The following KLHL12 variants were observed in gnomAD, a reference collection of about 807,000 sequenced individuals.
KLHL12 encodes kelch-like protein 12.
KLHL12 carries 17 observed loss-of-function variants against 60.8 expected under a neutral mutation model. That is an observed-to-expected ratio of 0.28 (90% confidence interval 0.19 to 0.42). The LOEUF (loss-of-function observed/expected upper bound fraction) is 0.42, where lower values mean the gene tolerates loss of function less well. Among genes scored for constraint, KLHL12 ranks in the 10% least tolerant of loss-of-function variants. The probability of loss-of-function intolerance (pLI) is 1.00; values close to 1 mark genes in which losing one functional copy is unlikely to be tolerated. For synonymous variants in KLHL12, 220 were observed against 250.9 expected (o/e 0.88, Z 1.16); for missense variants, 468 against 722.3 (o/e 0.65, Z 4.04).
At chr1:202,914,485 C>T (rs956223881) in intron 4 of KLHL12, among the ~76,000 whole-genome samples, 4 of 152,168 alleles carry the variant, frequency 2.6e-5, no homozygotes, top group Non-Finnish European at 4.4e-5. Flanking sequence ...ATGATAGACT[C>T]TGACACATTC....
rs138894209 is a variant in KLHL12 at position 202,909,768 on chromosome 1, A to C, written c.718-644T>G. Among the ~76,000 whole-genome samples, 3 of 152,304 alleles carry C rather than the reference A, an allele frequency of 2.0e-5. No homozygotes were observed. Among genetic ancestry groups the C allele is most frequent in the Admixed American group, 1.3e-4 (2 of 15,294 alleles). The stretch of plus-strand genomic sequence containing the variant: ...CAAAGGTCAAGGTTTCTCTCAAGGC[A>C]GTGACTCTACACGATTCTCTTTCCT... On this transcript the variant is annotated intron_variant, in intron 5 of 11. Coordinates refer to ENST00000367261, the MANE Select transcript of KLHL12 (RefSeq NM_021633.4). This position sits in a 1 kb window ranked among gnomAD's most constrained non-coding sequence, Gnocchi z 4.1.
rs199923464 is a variant in KLHL12 at position 202,911,083 on chromosome 1, T to C, written c.688A>G (p.Arg230Gly). The C allele has an allele frequency of 1.3e-4, 209 of 1,613,978 alleles. No homozygotes were observed. The highest frequency in any genetic ancestry group is 1.7e-4 in the Non-Finnish European group (199 of 1,180,000). ...GCATCTATTACATCTGTGATATACC[T>C]GGGGGTTAGTAGGGGCATCCGCACA... is the stretch of plus-strand genomic sequence containing the variant. ...QYVRMPLLTP[R>G]YITDVIDAEP... Residue 230 changes from arginine (R) to glycine (G), a missense_variant, in exon 5 of 12, where the codon AGG becomes GGG. Coordinates refer to ENST00000367261, the MANE Select transcript of KLHL12 (RefSeq NM_021633.4).
chr1:202,905,283 G>A (rs1660148042), intron 6 of KLHL12, among the ~76,000 whole-genome samples: 1 of 152,106 alleles, frequency 6.6e-6, no homozygotes, highest in South Asian at 2.1e-4. Context: ...GAATCTTCTG[G>A]GTTTACTGAT....
chr1:202,927,396 G>A, upstream of KLHL12: 1 of 455,170 alleles, frequency 2.2e-6, no homozygotes. Flanking sequence ...CAAAAAGGTC[G>A]GGTGGGCAGG....
At chr1:202,919,227 A>G (rs1660612482) in intron 3 of KLHL12, among the ~76,000 whole-genome samples, 1 of 152,180 alleles carries the variant, frequency 6.6e-6, no homozygotes, top group Non-Finnish European at 1.5e-5. Context: ...CTGTGCTCTA[A>G]TCTGGGTGAC....
Position 202,892,685 on chromosome 1 carries a change from G to A in KLHL12, c.1581-26C>T, listed in dbSNP as rs114910242. 1,056 of 1,610,932 alleles carry A rather than the reference G, an allele frequency of 6.6e-4. 6 individuals are homozygous for A. In the African/African-American group the frequency reaches 0.012, roughly 19 times the overall value. On this transcript the variant is annotated intron_variant, in intron 11 of 11. Transcript: ENST00000367261. ...CTGAGTGGGAAAGAAGCAAAAGAAA[G>A]AAATGAGTCAGCTGCGTGCAGTGGC...
intron 6 of KLHL12, among the ~76,000 whole-genome samples, chr1:202,906,446 G>A (rs1202995124): frequency 1.4e-3 from 162 of 111,798 alleles, no homozygotes; most frequent in African/African-American, 5.4e-3. Flanking sequence ...CAAGAGCAAC[G>A]CTTCGTCTCA....
At position 202,902,464 on chromosome 1, in the gene KLHL12, A is replaced by G. The variant is rs530935328; in HGVS notation, c.833-5504T>C. On this transcript the variant is annotated intron_variant, in intron 6 of 11. Coordinates refer to ENST00000367261, the MANE Select transcript of KLHL12 (RefSeq NM_021633.4). ...ACACCAAAAACAAACAAACAAAAAA[A>G]CCTACAAATGTGACCATATTATATT... 1.4e-3 allele frequency among the ~76,000 whole-genome samples: 206 copies of G among 151,994 alleles called. 2 individuals are homozygous for G. Among genetic ancestry groups the G allele is most frequent in the Non-Finnish European group, 1.8e-3 (121 of 67,954 alleles).
At chr1:202,896,803 G>T in intron 7 of KLHL12, 51 bp downstream of exon 7, 2 of 1,335,540 alleles carry the variant, frequency 1.5e-6, no homozygotes, top group Non-Finnish European at 2.2e-6. Flanking sequence ...TGGAGGCAGA[G>T]ACTGAGGACA....
At chr1:202,918,605 C>T (rs1445356205) in intron 3 of KLHL12, among the ~76,000 whole-genome samples, 1 of 152,172 alleles carries the variant, frequency 6.6e-6, no homozygotes, top group African/African-American at 2.4e-5. Flanking sequence ...CCTGTCTCTG[C>T]TTAATCTTTA....
rs1659672492 is a variant in KLHL12 at position 202,891,438 on chromosome 1, A to T, written c.*1095T>A. The T allele has an allele frequency of 6.6e-6, 1 of 152,664 alleles. No individual in the cohort carries two copies. Among genetic ancestry groups the T allele is most frequent in the Admixed American group, 6.5e-5 (1 of 15,290 alleles). 9.5% of individuals were successfully genotyped at this position (152,664 alleles called of 1,614,324 possible). A position where few individuals can be genotyped will look rare whatever the true frequency, so the allele number is the denominator to read the frequency against. ...AGGTAAGGAAAACTTATAGCAGAAA[A>T]AAGACTAGATGTACCAAACACAGCA... On this transcript the variant is annotated 3_prime_UTR_variant, in exon 12 of 12. Coordinates refer to ENST00000367261, the MANE Select transcript of KLHL12 (RefSeq NM_021633.4).
chr1:202,914,410 TAGA>T (rs1660457476), intron 4 of KLHL12, among the ~76,000 whole-genome samples: 1 of 152,194 alleles, frequency 6.6e-6, no homozygotes, highest in Non-Finnish European at 1.5e-5. Flanking sequence ...GGGGAGGGTA[TAGA>T]AGATGTCCTT....
upstream of KLHL12, chr1:202,927,372 A>T: frequency 1.5e-6 from 1 of 681,046 alleles, no homozygotes; most frequent in Non-Finnish European, 1.8e-6. Context: ...GTACGCTGCT[A>T]GGAAGCCGAA....
chr1:202,908,396 T>G (rs1660259811), intron 6 of KLHL12, among the ~76,000 whole-genome samples: 1 of 152,174 alleles, frequency 6.6e-6, no homozygotes. Context: ...TTTTAAGGCT[T>G]TACATAAATA....
chr1:202,922,864 A>G (rs77218625), intron 2 of KLHL12, among the ~76,000 whole-genome samples: 5 of 151,624 alleles, frequency 3.3e-5, no homozygotes, highest in African/African-American at 4.8e-5. Context: ...GGAAAAAAAA[A>G]AGAGAGAGAG....
At position 202,909,419 on chromosome 1, in the gene KLHL12, G is replaced by A. The variant is rs1025834373; in HGVS notation, c.718-295C>T. ...GCTTACATTTAACTATTTTTACATA[G>A]TTTGGATGCCCTTCCAGGGATTATG... On this transcript the variant is annotated intron_variant, in intron 5 of 11. Coordinates refer to ENST00000367261, the MANE Select transcript of KLHL12 (RefSeq NM_021633.4). This position sits in a 1 kb window ranked among gnomAD's most constrained non-coding sequence, Gnocchi z 4.1. Among the ~76,000 whole-genome samples, 1 of 151,802 alleles carries A rather than the reference G, an allele frequency of 6.6e-6. No individual in the cohort carries two copies. Among genetic ancestry groups the A allele is most frequent in the African/African-American group, 2.4e-5 (1 of 41,244 alleles).
intron 6 of KLHL12, among the ~76,000 whole-genome samples, chr1:202,902,059 T>C (rs1660023148): frequency 6.6e-6 from 1 of 151,948 alleles, no homozygotes; most frequent in African/African-American, 2.4e-5. Context: ...GAAAAAAAAA[T>C]TACCCATAGT....
chr1:202,894,814 A>C, intron 8 of KLHL12, 65 bp from the exon 9 acceptor site: 1 of 1,405,814 alleles, frequency 7.1e-7, no homozygotes, highest in Non-Finnish European at 1.0e-6. Flanking sequence ...TCTTTCCTCT[A>C]CAAATTTTCC....
intron 6 of KLHL12, among the ~76,000 whole-genome samples, chr1:202,899,838 A>T (rs7543724): frequency 0.83 from 122,560 of 148,212 alleles, 51,033 homozygotes; most frequent in East Asian, 0.86. Flanking sequence ...AAAAAAAAAA[A>T]AATAATAATA....
Sources: allele counts gnomAD v4.1 joint callset (sites outside exome capture counted in the v4.1 genomes callset), GRCh38; gene constraint gnomAD v4.1.1; non-coding constraint Gnocchi (gnomAD v3.1); transcripts MANE v1.5; gene names NCBI Gene and HGNC (gene_info 2026-07-23, HGNC 2026-07-21).